KIF26B: variants seen among roughly 807,000 people sequenced by gnomAD.
The protein encoded by KIF26B is kinesin-like protein KIF26B.
In KIF26B, 63 loss-of-function variants were observed where a neutral mutation model predicts 151.2. The observed-to-expected ratio is 0.42, with a 90% CI of 0.34 to 0.51. KIF26B has a LOEUF of 0.51. Ranked by LOEUF, KIF26B falls within the 20% of genes least tolerant of loss-of-function variation. The pLI is 0.07. For synonymous variants in KIF26B, 1,357 were observed against 1,262.1 expected (o/e 1.08, Z -1.59); for missense variants, 2,813 against 2,913.6 (o/e 0.97, Z 0.79).
intron 2 of KIF26B, among the ~76,000 whole-genome samples, chr1:245,157,392 C>T (rs1469352515): frequency 6.6e-6 from 1 of 152,188 alleles, no homozygotes; most frequent in African/African-American, 2.4e-5. Context: ...ATTTACTCGG[C>T]CACTTCAAAG....
At chr1:245,177,240 T>C (rs1363018823) in intron 2 of KIF26B, among the ~76,000 whole-genome samples, 18 of 152,210 alleles carry the variant, frequency 1.2e-4, no homozygotes, top group Admixed American at 9.2e-4. Flanking sequence ...TATGAGTCAC[T>C]ACATCTGGCC....
chr1:245,370,763 T>G (rs552340840), intron 3 of KIF26B: 58 of 392,280 alleles, frequency 1.5e-4, no homozygotes, highest in Non-Finnish European at 2.9e-4. Context: ...TTAGGGATTA[T>G]TTGTGCGTTT....
At chr1:245,693,917 A>AT (rs1216834039) in intron 12 of KIF26B, among the ~76,000 whole-genome samples, 4 of 152,332 alleles carry the variant, frequency 2.6e-5, no homozygotes, top group African/African-American at 9.6e-5. Context: ...GCCAGTTGAG[A>AT]ATAGGTTCAG....
intron 5 of KIF26B, among the ~76,000 whole-genome samples, chr1:245,557,276 TA>T (rs1662062603): frequency 6.6e-6 from 1 of 152,230 alleles, no homozygotes; most frequent in Non-Finnish European, 1.5e-5. Flanking sequence ...GCGTAGATTT[TA>T]AGTAGACTTG....
chr1:245,609,808 AAAG>A (rs1037663376), intron 8 of KIF26B, among the ~76,000 whole-genome samples: 3 of 152,098 alleles, frequency 2.0e-5, no homozygotes, highest in Middle Eastern at 3.4e-3. Context: ...TCAAAAAAAA[AAAG>A]TAACAATCTT....
intron 10 of KIF26B, among the ~76,000 whole-genome samples, chr1:245,650,653 G>A (rs1415855463): frequency 6.6e-6 from 1 of 152,254 alleles, no homozygotes; most frequent in Non-Finnish European, 1.5e-5. Flanking sequence ...GATGACTGCT[G>A]CTCCATATGG....
At position 245,698,650 on chromosome 1, in the gene KIF26B, T is replaced by A. The variant is rs998886987; in HGVS notation, c.6028-237T>A. ...ACCACCTGCTTTCTCAACTTAAGAA[T>A]GGCCTGTCATAGTCCAAAAATGGTC... On this transcript the variant is annotated intron_variant, in intron 13 of 14. Transcript: ENST00000407071. This position sits in a 1 kb window ranked among gnomAD's most constrained non-coding sequence, Gnocchi z 4.0. 6.6e-6 allele frequency among the ~76,000 whole-genome samples: 1 copy of A among 152,170 alleles called. No homozygotes were observed. Among genetic ancestry groups the A allele is most frequent in the African/African-American group, 2.4e-5 (1 of 41,420 alleles).
chr1:245,171,128 A>C (rs771651379), intron 2 of KIF26B, among the ~76,000 whole-genome samples: 1 of 152,234 alleles, frequency 6.6e-6, no homozygotes, highest in Non-Finnish European at 1.5e-5. Context: ...TTCCACGGAC[A>C]TTGACAGGGT....
intron 4 of KIF26B, among the ~76,000 whole-genome samples, chr1:245,457,816 C>T (rs12035552): frequency 0.35 from 52,918 of 152,082 alleles, 9,705 homozygotes; most frequent in East Asian, 0.56. Flanking sequence ...CATGTATGGT[C>T]ATTCCAGTAT....
intron 4 of KIF26B, among the ~76,000 whole-genome samples, chr1:245,524,436 T>C (rs1209912076): frequency 1.3e-5 from 2 of 152,218 alleles, no homozygotes; most frequent in African/African-American, 4.8e-5. Flanking sequence ...AAGTGACATA[T>C]GATTTGTCTG....
chr1:245,553,889 A>C (rs149112678), intron 5 of KIF26B, among the ~76,000 whole-genome samples: 8 of 152,290 alleles, frequency 5.3e-5, no homozygotes, highest in Non-Finnish European at 7.4e-5. Context: ...TTGTTTAAAG[A>C]GATGTGCTGT....
intron 4 of KIF26B, among the ~76,000 whole-genome samples, chr1:245,460,180 T>C (rs778219521): frequency 2.6e-5 from 4 of 152,208 alleles, no homozygotes; most frequent in Non-Finnish European, 4.4e-5. Flanking sequence ...TTGGTCGGGC[T>C]GTCTCAAACT....
At chr1:245,467,530 G>A (rs1334711639) in intron 4 of KIF26B, among the ~76,000 whole-genome samples, 4 of 152,186 alleles carry the variant, frequency 2.6e-5, no homozygotes, top group Non-Finnish European at 4.4e-5. Flanking sequence ...CTCTCTGCTG[G>A]TAGATGGAAA....
Position 245,427,274 on chromosome 1 carries a change from T to A in KIF26B, c.1166+7529T>A, listed in dbSNP as rs535506707. ...CAGTTTCACAACTTGGAACAGTTAA[T>A]GTCCAGCACTGTTTCCATTATGATA... On this transcript the variant is annotated intron_variant, in intron 4 of 14. Coordinates refer to ENST00000407071, the MANE Select transcript of KIF26B (RefSeq NM_018012.4). 2.6e-5 allele frequency among the ~76,000 whole-genome samples: 4 copies of A among 152,290 alleles called. No homozygotes were observed. In the East Asian group the frequency reaches 7.7e-4, roughly 29 times the overall value.
In KIF26B at chr1:245,564,983, C is replaced by G. The variant is rs763919092; in HGVS notation, c.1350+24033C>G. 3.9e-5 allele frequency among the ~76,000 whole-genome samples: 6 copies of G among 152,162 alleles called. No homozygotes were observed. The highest frequency in any genetic ancestry group is 6.5e-5 in the Admixed American group (1 of 15,270). ...CTTCTTAACAGGACACCGACTAGCACTGGTCCGTGGCCTGGGGGTTAGGGA... is the reference window on the plus strand; with the variant it reads ...CTTCTTAACAGGACACCGACTAGCAGTGGTCCGTGGCCTGGGGGTTAGGGA... On this transcript the variant is annotated intron_variant, in intron 5 of 14. Coordinates refer to ENST00000407071, the MANE Select transcript of KIF26B (RefSeq NM_018012.4). This position sits in a 1 kb window ranked among gnomAD's most constrained non-coding sequence, Gnocchi z 4.6.
At chr1:245,508,449 C>T (rs945921367) in intron 4 of KIF26B, among the ~76,000 whole-genome samples, 2 of 152,088 alleles carry the variant, frequency 1.3e-5, no homozygotes, top group Non-Finnish European at 2.9e-5. Flanking sequence ...ACCGTGTTAG[C>T]CAGGATGGTC....
chr1:245,312,063 C>A (rs1210709015), intron 2 of KIF26B, among the ~76,000 whole-genome samples: 1 of 152,182 alleles, frequency 6.6e-6, no homozygotes, highest in Non-Finnish European at 1.5e-5. Context: ...CTATAAAGAG[C>A]CCAGCATCTG....
intron 10 of KIF26B, among the ~76,000 whole-genome samples, chr1:245,672,975 G>T (rs1284906151): frequency 1.3e-5 from 2 of 152,202 alleles, no homozygotes; most frequent in African/African-American, 2.4e-5. Flanking sequence ...ACTCACCTGG[G>T]TTTCCAGAGC....
At chr1:245,399,463 T>C (rs1186411943) in intron 3 of KIF26B, among the ~76,000 whole-genome samples, 1 of 152,194 alleles carries the variant, frequency 6.6e-6, no homozygotes, top group East Asian at 1.9e-4. Flanking sequence ...TCCTTTGAGA[T>C]CATTTTCAAA....
Sources: gnomAD v4.1 joint callset for allele counts (sites outside exome capture counted in the v4.1 genomes callset) on GRCh38, gnomAD v4.1.1 for gene constraint, Gnocchi (gnomAD v3.1) non-coding constraint, MANE v1.5 for transcripts, NCBI Gene and HGNC (gene_info 2026-07-23, HGNC 2026-07-21) for gene names.